PRKCA: variants seen among roughly 807,000 people sequenced by gnomAD.
PRKCA encodes protein kinase C alpha.
PRKCA carries 27 observed loss-of-function variants against 87.0 expected under a neutral mutation model. That is an observed-to-expected ratio of 0.31 (90% confidence interval 0.23 to 0.43). The LOEUF (loss-of-function observed/expected upper bound fraction) is 0.43, where lower values mean the gene tolerates loss of function less well. PRKCA is among the 20% of genes least tolerant of loss of function. The probability of loss-of-function intolerance (pLI) is 1.00; values close to 1 mark genes in which losing one functional copy is unlikely to be tolerated. For synonymous variants in PRKCA, 329 were observed against 311.1 expected, an observed-to-expected ratio of 1.06 and a Z score of -0.61; for missense variants, 518 against 852.3, an observed-to-expected ratio of 0.61 and a Z score of 4.88.
rs200840115 is a variant in PRKCA at position 66,461,485 on chromosome 17, C to T, written c.206-34716C>T. Among the ~76,000 whole-genome samples the T allele has an allele frequency of 3.3e-5, 5 of 152,168 alleles. No individual in the cohort carries two copies. In the East Asian group the frequency reaches 9.6e-4, roughly 29 times the overall value. On this transcript the variant is annotated intron_variant, in intron 2 of 16. Transcript: ENST00000413366. The stretch of plus-strand genomic sequence containing the variant: ...GTGGTGAACAGTTTCAAATATCCTT[C>T]ATTTTCCAGTATTCAAAAATGAGGA...
chr17:66,538,067 C>T (rs1967849880), intron 3 of PRKCA, among the ~76,000 whole-genome samples: 1 of 152,138 alleles, frequency 6.6e-6, no homozygotes, highest in Non-Finnish European at 1.5e-5. Context: ...TCCCAAACTG[C>T]TAGAATTACA....
chr17:66,365,586 A>G (rs1908663985), intron 2 of PRKCA, among the ~76,000 whole-genome samples: 1 of 151,210 alleles, frequency 6.6e-6, no homozygotes. Context: ...ACTTCCTCCA[A>G]ATAGATTAAC....
intron 3 of PRKCA, among the ~76,000 whole-genome samples, chr17:66,570,644 C>T (rs1229137665): frequency 1.3e-5 from 2 of 152,130 alleles, no homozygotes; most frequent in African/African-American, 2.4e-5. Flanking sequence ...AGCTCTTTTT[C>T]GGGCTTTTCT....
chr17:66,663,188 C>T (rs1971953894), intron 5 of PRKCA, among the ~76,000 whole-genome samples: 2 of 152,222 alleles, frequency 1.3e-5, no homozygotes, highest in Admixed American at 1.3e-4. Flanking sequence ...CTTCCTGCTC[C>T]TCTCCAGCCT....
At chr17:66,744,553 C>G (rs1974232098) in intron 13 of PRKCA, among the ~76,000 whole-genome samples, 2 of 152,192 alleles carry the variant, frequency 1.3e-5, no homozygotes, top group Non-Finnish European at 2.9e-5. Context: ...CCTCAGCTAT[C>G]TAATAACACC....
intron 3 of PRKCA, among the ~76,000 whole-genome samples, chr17:66,559,902 G>C (rs1348426173): frequency 6.6e-6 from 1 of 152,096 alleles, no homozygotes; most frequent in East Asian, 1.9e-4. Context: ...GATGGATTTT[G>C]GAATTTGCTA....
rs548680258 is a variant in PRKCA at position 66,562,090 on chromosome 17, AAT to A, written c.288+65815_288+65816del. On this transcript the variant is annotated intron_variant, in intron 3 of 16. Transcript: ENST00000413366. ...TATAATTAAATTATATATATAATTAAATATATATAATTAAATTATATATATAA... is the reference window on the plus strand; with the variant it reads ...TATAATTAAATTATATATATAATTAAATATATAATTAAATTATATATATAA... Among the ~76,000 whole-genome samples, 52 of 113,138 alleles carry A rather than the reference AAT, an allele frequency of 4.6e-4. 1 individual carries two copies. Among genetic ancestry groups the A allele is most frequent in the African/African-American group, 1.2e-3 (37 of 30,280 alleles). 74.2% of individuals were successfully genotyped at this position (113,138 alleles called of 152,430 possible).
intron 2 of PRKCA, among the ~76,000 whole-genome samples, chr17:66,490,770 G>A (rs1003614931): frequency 3.3e-5 from 5 of 152,254 alleles, no homozygotes; most frequent in African/African-American, 7.2e-5. Flanking sequence ...TAGTAGAGAC[G>A]TGGTTTTGCC....
intron 2 of PRKCA, among the ~76,000 whole-genome samples, chr17:66,489,350 T>TGC (rs1250275741): frequency 4.6e-5 from 5 of 109,628 alleles, no homozygotes; most frequent in African/African-American, 1.5e-4. Flanking sequence ...CCCTTAGCAG[T>TGC]GCATATATAT....
At chr17:66,755,838 T>C (rs1434645404) in intron 13 of PRKCA, among the ~76,000 whole-genome samples, 1 of 152,090 alleles carries the variant, frequency 6.6e-6, no homozygotes, top group East Asian at 1.9e-4. Flanking sequence ...TCCTGACCAG[T>C]GCACCAGCAT....
intron 2 of PRKCA, among the ~76,000 whole-genome samples, chr17:66,467,004 T>C (rs2143996103): frequency 6.6e-6 from 1 of 152,356 alleles, no homozygotes; most frequent in East Asian, 1.9e-4. Context: ...ATGCTCATAT[T>C]CAAACTGAAC....
intron 3 of PRKCA, among the ~76,000 whole-genome samples, chr17:66,572,201 G>A (rs1015715703): frequency 2.0e-5 from 3 of 152,180 alleles, no homozygotes; most frequent in African/African-American, 7.2e-5. Context: ...GCATGGTGGC[G>A]CACGCCTGTA....
intron 13 of PRKCA, among the ~76,000 whole-genome samples, chr17:66,754,953 C>T (rs77841612): frequency 0.12 from 18,665 of 152,064 alleles, 1,404 homozygotes; most frequent in East Asian, 0.31. Context: ...AACAGTCACA[C>T]TGGGGGTTAG....
intron 2 of PRKCA, among the ~76,000 whole-genome samples, chr17:66,352,722 C>G (rs1042568252): frequency 6.6e-6 from 1 of 151,852 alleles, no homozygotes; most frequent in Non-Finnish European, 1.5e-5. Context: ...TGCCACCACA[C>G]TCAGCTAATT....
At chr17:66,604,885 A>G (rs754020741) in intron 3 of PRKCA, among the ~76,000 whole-genome samples, 2 of 151,946 alleles carry the variant, frequency 1.3e-5, no homozygotes, top group Non-Finnish European at 2.9e-5. Flanking sequence ...GTTGCCTGTG[A>G]TAGGATGCCA....
intron 2 of PRKCA, among the ~76,000 whole-genome samples, chr17:66,400,261 CG>C (rs1910942942): frequency 6.6e-6 from 1 of 152,196 alleles, no homozygotes; most frequent in African/African-American, 2.4e-5. Flanking sequence ...AGGCAATTCT[CG>C]TGCCTTAGCC....
chr17:66,751,533 T>C (rs1021727944), intron 13 of PRKCA, among the ~76,000 whole-genome samples: 1 of 152,254 alleles, frequency 6.6e-6, no homozygotes, highest in African/African-American at 2.4e-5. Context: ...CTAATAAAGC[T>C]CTTACGACAC....
At chr17:66,595,890 C>T (rs372889410) in intron 3 of PRKCA, among the ~76,000 whole-genome samples, 4 of 152,170 alleles carry the variant, frequency 2.6e-5, no homozygotes, top group East Asian at 3.8e-4. Flanking sequence ...CTATTACCAC[C>T]GATCCCATGT....
chr17:66,571,617 T>C (rs1969081889), intron 3 of PRKCA, among the ~76,000 whole-genome samples: 1 of 89,434 alleles, frequency 1.1e-5, no homozygotes, highest in Non-Finnish European at 2.2e-5. Context: ...TTAAATTTAA[T>C]TGAACAACCT....
Sources: gnomAD v4.1 joint callset for allele counts (sites outside exome capture counted in the v4.1 genomes callset) on GRCh38, gnomAD v4.1.1 for gene constraint, MANE v1.5 for transcripts, NCBI Gene and HGNC (gene_info 2026-07-23, HGNC 2026-07-21) for gene names.